Variants in SGIP1 observed in about 807,000 individuals in gnomAD.
The protein encoded by SGIP1 is SH3GL interacting endocytic adaptor 1, also known as SH3-containing GRB2-like protein 3-interacting protein 1.
Under a neutral mutation model 107.5 loss-of-function variants are expected in SGIP1, and 38 were observed. That is an observed-to-expected ratio of 0.35 (90% CI 0.27 to 0.46). The LOEUF (loss-of-function observed/expected upper bound fraction) is 0.46, where lower values mean the gene tolerates loss of function less well. Among genes scored for constraint, SGIP1 ranks in the 20% least tolerant of loss-of-function variants. The pLI is 1.00. For missense variants in SGIP1, 929 were observed against 1,019.5 expected (o/e 0.91, Z 1.21); for synonymous variants, 365 against 366.1 (o/e 1.00, Z 0.03).
At chr1:66,634,935 A>T (rs2075497318) in intron 3 of SGIP1, among the ~76,000 whole-genome samples, 1 of 152,072 alleles carries the variant, frequency 6.6e-6, no homozygotes, top group African/African-American at 2.4e-5. Context: ...TTTCCTTCAA[A>T]CTCAGACTGA....
At chr1:66,713,901 A>C (rs1223589104) in intron 18 of SGIP1, among the ~76,000 whole-genome samples, 1 of 152,152 alleles carries the variant, frequency 6.6e-6, no homozygotes, top group Non-Finnish European at 1.5e-5. Context: ...ACACATGCGC[A>C]GATTATATGA....
At chr1:66,671,895 A>C (rs768728469) in intron 10 of SGIP1, 49 bp from the exon 11 acceptor site, 3 of 1,548,874 alleles carry the variant, frequency 1.9e-6, no homozygotes, top group Middle Eastern at 3.3e-4. Context: ...AAGACATATC[A>C]GGGAATGGTA....
intron 4 of SGIP1, among the ~76,000 whole-genome samples, chr1:66,638,366 C>T (rs1470149596): frequency 6.6e-6 from 1 of 152,098 alleles, no homozygotes; most frequent in Non-Finnish European, 1.5e-5. Flanking sequence ...TTACAAAGAC[C>T]TTTGTTCAAA....
intron 8 of SGIP1, among the ~76,000 whole-genome samples, chr1:66,661,220 G>A (rs2081404539): frequency 6.6e-6 from 1 of 152,128 alleles, no homozygotes; most frequent in African/African-American, 2.4e-5. Flanking sequence ...CTGGTTTGTT[G>A]GGAACATGTT....
At chr1:66,683,695 C>CT (rs2087369004) in intron 15 of SGIP1, among the ~76,000 whole-genome samples, 2 of 53,792 alleles carry the variant, frequency 3.7e-5, no homozygotes, top group African/African-American at 1.2e-4. Context: ...TTGTTTGTTT[C>CT]TTTTCTTTTT....
intron 1 of SGIP1, among the ~76,000 whole-genome samples, chr1:66,567,410 G>A (rs1439768689): frequency 6.6e-6 from 1 of 151,986 alleles, no homozygotes; most frequent in South Asian, 2.1e-4. Context: ...TTAGACCTTT[G>A]TCAGATGGGT....
At chr1:66,536,788 T>C (rs893747647) in intron 1 of SGIP1, among the ~76,000 whole-genome samples, 1 of 152,252 alleles carries the variant, frequency 6.6e-6, no homozygotes, top group East Asian at 1.9e-4. Context: ...CACAGAGTCA[T>C]CCACCCAAAC....
At chr1:66,653,000 G>A (rs891121038) in intron 7 of SGIP1, among the ~76,000 whole-genome samples, 2 of 152,066 alleles carry the variant, frequency 1.3e-5, no homozygotes, top group Non-Finnish European at 2.9e-5. Context: ...ATCAAACATG[G>A]GGCATATAAA....
intron 17 of SGIP1, 63 bp from the exon 18 acceptor site, chr1:66,695,371 T>C (rs781040499): frequency 5.6e-6 from 9 of 1,612,672 alleles, no homozygotes; most frequent in South Asian, 4.4e-5. Flanking sequence ...GTAACTCACA[T>C]TGTGTCCTTC....
At chr1:66,695,173 G>A (rs2090628119) in intron 17 of SGIP1, 7 of 627,660 alleles carry the variant, frequency 1.1e-5, no homozygotes, top group Non-Finnish European at 1.8e-5. Flanking sequence ...ATGCACACAA[G>A]CACCAAGTAT....
intron 1 of SGIP1, among the ~76,000 whole-genome samples, chr1:66,558,505 A>G (rs1245572036): frequency 2.6e-5 from 4 of 151,984 alleles, no homozygotes; most frequent in African/African-American, 9.7e-5. Context: ...AAAGTATATA[A>G]TACTAAACAA....
chr1:66,665,021 C>T (rs1407784170), intron 8 of SGIP1, among the ~76,000 whole-genome samples: 2 of 152,102 alleles, frequency 1.3e-5, no homozygotes, highest in East Asian at 1.9e-4. Context: ...ATGTGCACAA[C>T]GTGCAGGTTT....
Position 66,682,269 on chromosome 1 carries a change from G to A in SGIP1, c.1215G>A (p.Leu405=). 2 of 1,614,212 alleles carry A rather than the reference G, an allele frequency of 1.2e-6. No individual in the cohort carries two copies. The highest frequency in any genetic ancestry group is 1.7e-6 in the Non-Finnish European group (2 of 1,180,038). The part of the protein sequence containing the change: ...ETISSPKDFG[L]GQRATPPPPP... ...TCTCATCTCCTAAAGATTTTGGGTT[G>A]GGACAAAGAGCAACTCCACCTCCCC... Residue 405 remains leucine (L), a synonymous_variant, in exon 15 of 25, where the codon TTG becomes TTA. Transcript: ENST00000371037.
At position 66,679,744 on chromosome 1, in the gene SGIP1, T is replaced by C. The variant is rs760769944; in HGVS notation, c.806T>C (p.Ile269Thr). 2.5e-6 allele frequency: 4 copies of C among 1,598,734 alleles called. No individual in the cohort carries two copies. The highest frequency in any genetic ancestry group is 3.4e-6 in the Non-Finnish European group (4 of 1,176,048). The change falls in exon 14 of 25, where the codon ATT becomes ACT. Residue 269 changes from isoleucine to threonine, a missense_variant. Ile to Thr is a moderately conservative substitution (Grantham distance 89, BLOSUM62 -1). Coordinates refer to ENST00000371037, the MANE Select transcript of SGIP1 (RefSeq NM_032291.4). The part of the protein sequence containing the change: ...TPPRTGSPLT[I>T]GPGNDQSATE... ...CCCCGAACAGGATCCCCCTTAACAA[T>C]TGGACCAGGTACGCTTTTGTTTTTT...
At chr1:66,548,323 G>A (rs967296394) in intron 1 of SGIP1, among the ~76,000 whole-genome samples, 1 of 152,004 alleles carries the variant, frequency 6.6e-6, no homozygotes, top group African/African-American at 2.4e-5. Context: ...GTTTATTTGT[G>A]GGAAAGCTGA....
chr1:66,554,818 C>A (rs1324435778), intron 1 of SGIP1, among the ~76,000 whole-genome samples: 3 of 152,090 alleles, frequency 2.0e-5, no homozygotes, highest in Non-Finnish European at 4.4e-5. Flanking sequence ...GAAAGAGTCA[C>A]AAATTGGAAA....
At chr1:66,736,275 CA>C (rs2094235535) in intron 21 of SGIP1, among the ~76,000 whole-genome samples, 1 of 96,752 alleles carries the variant, frequency 1.0e-5, no homozygotes, top group East Asian at 2.2e-4. Flanking sequence ...AATATTTATA[CA>C]AATAGTTTAA....
intron 1 of SGIP1, among the ~76,000 whole-genome samples, chr1:66,550,370 G>C (rs2057226802): frequency 6.6e-6 from 1 of 152,018 alleles, no homozygotes; most frequent in Admixed American, 6.6e-5. Flanking sequence ...TCTCATAACT[G>C]GCTTTAGTTT....
intron 12 of SGIP1, among the ~76,000 whole-genome samples, chr1:66,675,664 A>AG (rs1474806254): frequency 6.7e-6 from 1 of 149,468 alleles, no homozygotes; most frequent in East Asian, 2.0e-4. Flanking sequence ...CCCCCAGAGT[A>AG]GCTGGGATCA....
Sources: gnomAD v4.1 joint callset for allele counts (sites outside exome capture counted in the v4.1 genomes callset) on GRCh38, gnomAD v4.1.1 for gene constraint, MANE v1.5 for transcripts, NCBI Gene and HGNC (gene_info 2026-07-23, HGNC 2026-07-21) for gene names.